Variants in FAM53A observed in about 807,000 individuals in gnomAD.
FAM53A encodes the protein protein FAM53A.
A neutral mutation model predicts 26.6 loss-of-function variants in FAM53A; 28 were observed. The observed-to-expected ratio is 1.05, with a 90% confidence interval of 0.78 to 1.45. The LOEUF is 1.45. Among genes scored for constraint, FAM53A ranks in the 40% most tolerant of loss-of-function variants. The pLI is 0.00. For synonymous variants in FAM53A, 290 were observed against 253.1 expected (o/e 1.15, Z -1.38); for missense variants, 650 against 575.8 (o/e 1.13, Z -1.32).
At chr4:1,621,684 C>A (rs1474177022) in intron 1 of FAM53A, among the ~76,000 whole-genome samples, 1 of 152,238 alleles carries the variant, frequency 6.6e-6, no homozygotes, top group African/African-American at 2.4e-5. Context: ...GCAGTCCCCC[C>A]ATCCAAGGCT....
chr4:1,611,130 C>G, the FAM53A span, among the ~76,000 whole-genome samples: 2 of 152,340 alleles, frequency 1.3e-5, no homozygotes, highest in East Asian at 3.9e-4. Flanking sequence ...TGCGTCTCAG[C>G]CGCCTGACCC....
chr4:1,651,364 T>A, intron 4 of FAM53A, among the ~76,000 whole-genome samples: 1 of 151,566 alleles, frequency 6.6e-6, no homozygotes. Flanking sequence ...AAATCCTATC[T>A]CTATTAAAAA....
At chr4:1,596,604 A>G in the FAM53A span, among the ~76,000 whole-genome samples, 44,347 of 152,120 alleles carry the variant, frequency 0.29, 6,692 homozygotes, top group East Asian at 0.52. Context: ...TGCCCTCTAC[A>G]GGGACCAGAT....
chr4:1,647,589 G>A (rs970809053), intron 4 of FAM53A, among the ~76,000 whole-genome samples: 3 of 152,228 alleles, frequency 2.0e-5, no homozygotes, highest in Non-Finnish European at 4.4e-5. Context: ...AGTTGCGCAC[G>A]CAGACTGCAC....
downstream of FAM53A, among the ~76,000 whole-genome samples, chr4:1,638,126 A>G (rs1301797850): frequency 1.3e-5 from 2 of 151,942 alleles, no homozygotes; most frequent in Non-Finnish European, 2.9e-5. Context: ...CCAACCCCCA[A>G]GGCTGCCCCC....
chr4:1,649,106 A>AGAAAGG (rs1359712682), intron 4 of FAM53A, among the ~76,000 whole-genome samples: 1 of 140,870 alleles, frequency 7.1e-6, no homozygotes, highest in Non-Finnish European at 1.5e-5. Context: ...AGAGCAAAAC[A>AGAAAGG]GAAAGGGAAA....
intron 4 of FAM53A, among the ~76,000 whole-genome samples, chr4:1,650,742 C>T (rs564208045): frequency 7.9e-5 from 12 of 151,036 alleles, no homozygotes; most frequent in African/African-American, 2.9e-4. Context: ...ATGATCCACC[C>T]GCCTCAGCCT....
At chr4:1,657,322 C>G in intron 3 of FAM53A, 86 bp downstream of exon 3, 1 of 1,259,640 alleles carries the variant, frequency 7.9e-7, no homozygotes, top group Non-Finnish European at 1.1e-6. Flanking sequence ...AGATCCGGCT[C>G]ATGTTCTGCG....
In FAM53A at chr4:1,655,552, A is replaced by C; in HGVS notation, c.308T>G (p.Val103Gly). ...PGAGLGAAST[V>G]DPSESTGSST... is the part of the protein sequence containing the mutation. ...CGAGCCTGTGCTTTCACTGGGGTCC[A>C]CGGTGCTGGCTGCACCCAGGCCTGC... The change falls in exon 4 of 5, where the codon GTG becomes GGG. Residue 103 changes from valine (V) to glycine (G), a missense_variant. By Grantham distance (109) the Val-to-Gly change is moderately radical. Transcript: ENST00000308132. 1 of 1,570,110 alleles carries C rather than the reference A, an allele frequency of 6.4e-7. No homozygotes were observed. Among genetic ancestry groups the C allele is most frequent in the Non-Finnish European group, 8.6e-7 (1 of 1,157,672 alleles).
In FAM53A at chr4:1,618,021, G is replaced by A. The variant is rs550789461; in HGVS notation, c.*52C>T. ...TGCTTGGCATAGAGCCGACCAGTGAGGAGACGGCTGTCAGATGCCGTGAAG... is the reference window on the plus strand; with the variant it reads ...TGCTTGGCATAGAGCCGACCAGTGAAGAGACGGCTGTCAGATGCCGTGAAG... On this transcript the variant is annotated 3_prime_UTR_variant, in exon 2 of 2. Coordinates refer to the FAM53A transcript ENST00000489029. The A allele has an allele frequency of 2.3e-4, 106 of 456,364 alleles. 3 individuals carry two copies. The highest frequency in any genetic ancestry group is 1.5e-3 in the South Asian group (98 of 64,546). 28.3% of individuals were successfully genotyped at this position (456,364 alleles called of 1,614,324 possible). A position where few individuals can be genotyped will look rare whatever the true frequency, so the allele number is the denominator to read the frequency against.
At chr4:1,631,231 T>C (rs2108774458) in intron 1 of FAM53A, among the ~76,000 whole-genome samples, 1 of 152,256 alleles carries the variant, frequency 6.6e-6, no homozygotes, top group Non-Finnish European at 1.5e-5. Context: ...GCTTGGGGCT[T>C]CCCAGCAGCC....
chr4:1,683,634 TAG>T (rs1715609079), intron 1 of FAM53A: 1 of 152,192 alleles, frequency 6.6e-6, no homozygotes, highest in South Asian at 2.1e-4. Context: ...AAAAGTGCTT[TAG>T]AGTTATGGAA....
chr4:1,631,187 G>A (rs543106048), intron 1 of FAM53A, among the ~76,000 whole-genome samples: 4 of 152,340 alleles, frequency 2.6e-5, no homozygotes, highest in South Asian at 4.1e-4. Flanking sequence ...AGAGGCATAC[G>A]ACTTGGAGCG....
At chr4:1,605,745 C>T in the FAM53A span, among the ~76,000 whole-genome samples, 5 of 152,142 alleles carry the variant, frequency 3.3e-5, no homozygotes, top group Non-Finnish European at 5.9e-5. This position sits in a 1 kb window ranked among gnomAD's most constrained non-coding sequence, Gnocchi z 5.7. Flanking sequence ...GCAGGCACCG[C>T]CCGCAGCAGT....
chr4:1,657,446 A>G lies in FAM53A; in HGVS notation c.98T>C (p.Leu33Pro). Residue 33 changes from leucine to proline, a missense_variant, in exon 3 of 5, where the codon CTG becomes CCG. Leu to Pro is a moderately conservative substitution (Grantham distance 98). Transcript: ENST00000308132. ...AGPLQYSAET[L>P]NKSGRLFPLE... ...AGGGAACAGACGACCGCTCTTGTTC[A>G]GGGTTTCCGCAGAATACTGCAACTG... 7 of 1,613,914 alleles carry G rather than the reference A, an allele frequency of 4.3e-6. No homozygotes were observed. The highest frequency in any genetic ancestry group is 5.1e-6 in the Non-Finnish European group (6 of 1,179,912).
At position 1,655,641 on chromosome 4, in the gene FAM53A, C is replaced by T. The variant is rs777550740; in HGVS notation, c.219G>A (p.Pro73=). 8.8e-6 allele frequency: 14 copies of T among 1,595,038 alleles called. 1 individual carries two copies. The East Asian group carries it at 1.1e-4, about 13-fold the overall frequency. Residue 73 remains proline (P), a synonymous_variant, in exon 4 of 5, where the codon CCG becomes CCA. Coordinates refer to ENST00000308132, the MANE Select transcript of FAM53A (RefSeq NM_001174070.3). ...AATGPDFSFL[P]GLSAAAHTMG... is the part of the protein sequence containing the mutation. ...TGGTGTGAGCGGCAGCAGACAGGCC[C>T]GGCAGGAAGGAGAAATCAGGGCCCG...
Position 1,659,093 on chromosome 4 carries a change from G to A in FAM53A, c.76-1625C>T, listed in dbSNP as rs1014426823. Among the ~76,000 whole-genome samples the A allele has an allele frequency of 5.9e-5, 9 of 152,220 alleles. No homozygotes were observed. The highest frequency in any genetic ancestry group is 2.1e-4 in the South Asian group (1 of 4,832). ...AGTTAAAAGTTGGGTTTGTGACCCC[G>A]AAAAAAGACAGGCCGCCTACACACG... On this transcript the variant is annotated intron_variant, in intron 2 of 4. Transcript: ENST00000308132. This position sits in a 1 kb window ranked among gnomAD's most constrained non-coding sequence, Gnocchi z 5.2.
the FAM53A span, among the ~76,000 whole-genome samples, chr4:1,608,643 T>A: frequency 6.6e-6 from 1 of 151,806 alleles, no homozygotes; most frequent in African/African-American, 2.4e-5. Flanking sequence ...CTGCAGCCGC[T>A]ACACACACAC....
chr4:1,594,699 G>A, the FAM53A span, among the ~76,000 whole-genome samples: 2 of 152,078 alleles, frequency 1.3e-5, no homozygotes, highest in Non-Finnish European at 2.9e-5. Flanking sequence ...AAAGTTAGCC[G>A]GGTGTGGTGG....
Sources: gnomAD v4.1 joint callset for allele counts (sites outside exome capture counted in the v4.1 genomes callset) on GRCh38, gnomAD v4.1.1 for gene constraint, Gnocchi (gnomAD v3.1) non-coding constraint, MANE v1.5 for transcripts, NCBI Gene and HGNC (gene_info 2026-07-23, HGNC 2026-07-21) for gene names.